MAF: variants seen among roughly 807,000 people sequenced by gnomAD.
MAF encodes MAF bZIP transcription factor.
In MAF, 10 loss-of-function variants were observed where a neutral mutation model predicts 22.0. The observed-to-expected ratio is 0.45, with a 90% CI of 0.28 to 0.77. MAF has a LOEUF of 0.77. MAF is among the 30% of genes least tolerant of loss of function. The pLI is 0.12. For synonymous variants in MAF, 337 were observed against 255.8 expected (o/e 1.32, Z -3.03); for missense variants, 544 against 548.4 (o/e 0.99, Z 0.08).
chr16:79,228,721 C>T, the MAF span, among the ~76,000 whole-genome samples: 1 of 151,960 alleles, frequency 6.6e-6, no homozygotes, highest in Non-Finnish European at 1.5e-5. Context: ...GATGTTTCTC[C>T]TCTGTTTCCA....
At chr16:79,560,580 C>CT in the MAF span, among the ~76,000 whole-genome samples, 46 of 149,628 alleles carry the variant, frequency 3.1e-4, no homozygotes, top group East Asian at 5.9e-4. Flanking sequence ...CACAGAAGGT[C>CT]TTTTTTTTTT....
the MAF span, among the ~76,000 whole-genome samples, chr16:79,428,254 CT>C: frequency 6.6e-6 from 1 of 152,110 alleles, no homozygotes; most frequent in Non-Finnish European, 1.5e-5. Context: ...GGTTCCCAGT[CT>C]CCCCTCCAAT....
the MAF span, among the ~76,000 whole-genome samples, chr16:79,440,206 G>A: frequency 1.3e-5 from 2 of 152,224 alleles, no homozygotes; most frequent in Non-Finnish European, 2.9e-5. Context: ...AGCCAGAAAA[G>A]GGGGCTCTTG....
At chr16:79,567,321 A>T in the MAF span, among the ~76,000 whole-genome samples, 5 of 65,010 alleles carry the variant, frequency 7.7e-5, no homozygotes, top group Non-Finnish European at 6.7e-5. Context: ...TCCACCTCAG[A>T]AAAAAAAAAA....
At chr16:79,470,258 C>T in the MAF span, among the ~76,000 whole-genome samples, 13 of 152,306 alleles carry the variant, frequency 8.5e-5, no homozygotes, top group African/African-American at 3.1e-4. Flanking sequence ...TCCTCTGAAC[C>T]CCAACACTTG....
At chr16:79,504,099 T>C in the MAF span, among the ~76,000 whole-genome samples, 6 of 152,358 alleles carry the variant, frequency 3.9e-5, no homozygotes, top group South Asian at 1.2e-3. Context: ...GGGTGTTATC[T>C]AAAATTAAAT....
At chr16:79,593,642 T>G (rs1467559432), downstream of MAF, among the ~76,000 whole-genome samples, 1 of 152,244 alleles carries the variant, frequency 6.6e-6, no homozygotes, top group Non-Finnish European at 1.5e-5. Flanking sequence ...CGTAGCAGAT[T>G]TATTTGCCAG....
chr16:79,320,518 G>A, the MAF span, among the ~76,000 whole-genome samples: 1 of 152,170 alleles, frequency 6.6e-6, no homozygotes, highest in African/African-American at 2.4e-5. Context: ...ATCTCCGAAG[G>A]AGGCTCCTGG....
the MAF span, among the ~76,000 whole-genome samples, chr16:79,213,433 A>T: frequency 6.6e-6 from 1 of 151,996 alleles, no homozygotes; most frequent in Non-Finnish European, 1.5e-5. Context: ...CTTTTCAGAC[A>T]TTATTGTCAT....
At chr16:79,287,882 A>G in the MAF span, among the ~76,000 whole-genome samples, 1 of 152,212 alleles carries the variant, frequency 6.6e-6, no homozygotes, top group South Asian at 2.1e-4. Flanking sequence ...CACCAAACAG[A>G]CAAGGCACAT....
the MAF span, among the ~76,000 whole-genome samples, chr16:79,226,843 G>C: frequency 6.6e-6 from 1 of 151,966 alleles, no homozygotes; most frequent in African/African-American, 2.4e-5. Flanking sequence ...AACATGCCCA[G>C]CTGCCTTATT....
At chr16:79,336,418 C>T in the MAF span, among the ~76,000 whole-genome samples, 1 of 152,120 alleles carries the variant, frequency 6.6e-6, no homozygotes, top group Non-Finnish European at 1.5e-5. Context: ...AAGGTAGCTT[C>T]ACTGGCAAAT....
At chr16:79,463,014 C>G in the MAF span, among the ~76,000 whole-genome samples, 7 of 152,098 alleles carry the variant, frequency 4.6e-5, no homozygotes, top group Admixed American at 1.3e-4. Context: ...AAGGCCCACT[C>G]TAGGGAGTGA....
chr16:79,507,304 G>C, the MAF span, among the ~76,000 whole-genome samples: 6 of 147,194 alleles, frequency 4.1e-5, no homozygotes, highest in African/African-American at 1.5e-4. Context: ...TTTTAGTGGA[G>C]ACCAGGTTTC....
chr16:79,413,537 T>C, the MAF span, among the ~76,000 whole-genome samples: 4 of 151,982 alleles, frequency 2.6e-5, no homozygotes, highest in African/African-American at 9.7e-5. Flanking sequence ...CCGGCCGAGC[T>C]GTGCAGTTTT....
chr16:79,550,897 C>G, the MAF span, among the ~76,000 whole-genome samples: 2 of 152,172 alleles, frequency 1.3e-5, no homozygotes, highest in Admixed American at 1.3e-4. Context: ...CCTCTCCAGA[C>G]TGAGCTCTCC....
At chr16:79,328,152 G>C in the MAF span, among the ~76,000 whole-genome samples, 2 of 152,140 alleles carry the variant, frequency 1.3e-5, no homozygotes, top group South Asian at 4.1e-4. Context: ...CCTGACATAG[G>C]GTAGGTGCCT....
chr16:79,206,378 C>T, the MAF span: 1 of 152,176 alleles, frequency 6.6e-6, no homozygotes, highest in Middle Eastern at 3.2e-3. Context: ...AGTCTGAAGT[C>T]ACTCACTCTA....
the MAF span, among the ~76,000 whole-genome samples, chr16:79,560,419 C>T: frequency 2.1e-5 from 3 of 145,992 alleles, no homozygotes; most frequent in Non-Finnish European, 4.5e-5. Context: ...AAAAAGCAAG[C>T]TGAAAAAAAA....
Sources: gnomAD v4.1 joint callset for allele counts (sites outside exome capture counted in the v4.1 genomes callset) on GRCh38, gnomAD v4.1.1 for gene constraint, MANE v1.5 for transcripts, NCBI Gene and HGNC (gene_info 2026-07-23, HGNC 2026-07-21) for gene names.